The following SLC9A9 variants were observed in gnomAD, a reference collection of about 807,000 sequenced individuals.
SLC9A9 encodes the protein solute carrier family 9 member A9, also known as sodium/hydrogen exchanger 9.
Under a neutral mutation model 77.8 loss-of-function variants are expected in SLC9A9, and 62 were observed. That is an observed-to-expected ratio of 0.80 (90% CI 0.65 to 0.98). The LOEUF (loss-of-function observed/expected upper bound fraction) is 0.98, where lower values mean the gene tolerates loss of function less well. Among genes scored for constraint, SLC9A9 ranks in the 50% least tolerant of loss-of-function variants. The pLI is 0.00. For synonymous variants in SLC9A9, 320 were observed against 283.5 expected, an observed-to-expected ratio of 1.13 and a Z score of -1.29; for missense variants, 775 against 774.9, an observed-to-expected ratio of 1.00 and a Z score of 0.00.
At chr3:143,287,021 C>T (rs1209237521) in intron 14 of SLC9A9, among the ~76,000 whole-genome samples, 3 of 152,170 alleles carry the variant, frequency 2.0e-5, no homozygotes, top group African/African-American at 4.8e-5. Context: ...ACTGTCCCTA[C>T]GTACCTTTTC....
chr3:143,827,766 C>A (rs2009336630), intron 2 of SLC9A9, among the ~76,000 whole-genome samples: 1 of 152,218 alleles, frequency 6.6e-6, no homozygotes, highest in South Asian at 2.1e-4. Context: ...CTATATTTTT[C>A]TAAGAGTAAA....
chr3:143,610,003 C>G (rs936715492), intron 6 of SLC9A9, among the ~76,000 whole-genome samples: 2 of 152,104 alleles, frequency 1.3e-5, no homozygotes, highest in African/African-American at 4.8e-5. Flanking sequence ...TTAGATTTTT[C>G]TTATGACTCT....
intron 5 of SLC9A9, among the ~76,000 whole-genome samples, chr3:143,676,602 C>A (rs1050809320): frequency 6.6e-6 from 1 of 151,714 alleles, no homozygotes; most frequent in Non-Finnish European, 1.5e-5. Context: ...CTGGGCGTGG[C>A]GGCGTGTGTC....
chr3:143,460,430 T>G (rs572713040), intron 12 of SLC9A9, among the ~76,000 whole-genome samples: 52 of 152,120 alleles, frequency 3.4e-4, no homozygotes, highest in Non-Finnish European at 4.4e-4. Context: ...AAATCACTTT[T>G]TTTTTTCAAA....
At chr3:143,715,734 C>T (rs1036835622) in intron 4 of SLC9A9, among the ~76,000 whole-genome samples, 3 of 152,070 alleles carry the variant, frequency 2.0e-5, no homozygotes, top group Admixed American at 2.0e-4. Flanking sequence ...ATGAGACAGC[C>T]CTGGTCAGAG....
At chr3:143,657,639 G>A (rs2108753392) in intron 5 of SLC9A9, among the ~76,000 whole-genome samples, 1 of 152,302 alleles carries the variant, frequency 6.6e-6, no homozygotes, top group East Asian at 1.9e-4. Flanking sequence ...GAATGCAGAA[G>A]CAAGATATGA....
chr3:143,611,219 T>C (rs2038017349), intron 6 of SLC9A9, among the ~76,000 whole-genome samples: 1 of 152,122 alleles, frequency 6.6e-6, no homozygotes, highest in South Asian at 2.1e-4. Flanking sequence ...TTTATATTGA[T>C]AGAATATAGA....
At chr3:143,613,629 A>G (rs1308803825) in intron 6 of SLC9A9, among the ~76,000 whole-genome samples, 1 of 152,058 alleles carries the variant, frequency 6.6e-6, no homozygotes, top group African/African-American at 2.4e-5. Flanking sequence ...TAAATGGCTC[A>G]ACTTCATCTC....
At chr3:143,545,733 T>C (rs2036777738) in intron 9 of SLC9A9, among the ~76,000 whole-genome samples, 1 of 152,198 alleles carries the variant, frequency 6.6e-6, no homozygotes, top group Non-Finnish European at 1.5e-5. Flanking sequence ...AACTTTTCAC[T>C]CCAGTATGAA....
chr3:143,534,792 T>A (rs967414505), intron 9 of SLC9A9, among the ~76,000 whole-genome samples: 2 of 152,190 alleles, frequency 1.3e-5, no homozygotes, highest in Non-Finnish European at 2.9e-5. Context: ...AAAAGATGTA[T>A]TTGGATAAAT....
At position 143,281,522 on chromosome 3, in the gene SLC9A9, A is replaced by G. The variant is rs369157129; in HGVS notation, c.1605-12542T>C. On this transcript the variant is annotated intron_variant, in intron 14 of 15. Transcript: ENST00000316549. ...GAGCACCACAGAAGACGGAGAGCAC[A>G]TACTAGCACTGCCTTCCCTCAGGGT... 2.0e-5 allele frequency among the ~76,000 whole-genome samples: 3 copies of G among 152,350 alleles called. No individual in the cohort carries two copies. The East Asian group carries it at 5.8e-4, about 29-fold the overall frequency.
chr3:143,386,531 G>A (rs1161848383), intron 12 of SLC9A9, among the ~76,000 whole-genome samples: 4 of 152,242 alleles, frequency 2.6e-5, no homozygotes, highest in African/African-American at 9.6e-5. Flanking sequence ...TCACAGGGTT[G>A]TGGTGAGGAT....
intron 9 of SLC9A9, among the ~76,000 whole-genome samples, chr3:143,547,012 C>A (rs531244835): frequency 4.6e-5 from 7 of 152,304 alleles, no homozygotes; most frequent in African/African-American, 1.4e-4. Flanking sequence ...TCATTTTCTT[C>A]ATCTTACTTG....
At chr3:143,268,732 CAAAAA>C (rs11312794) in intron 15 of SLC9A9, 138 bp downstream of exon 15, 781 of 235,146 alleles carry the variant, frequency 3.3e-3, no homozygotes, top group South Asian at 4.2e-3. Context: ...GACTCCGTCT[CAAAAA>C]AAAAAAAAAA....
intron 12 of SLC9A9, among the ~76,000 whole-genome samples, chr3:143,461,051 T>C (rs1042603637): frequency 6.6e-6 from 1 of 152,166 alleles, no homozygotes; most frequent in African/African-American, 2.4e-5. Flanking sequence ...ATTAAATTGA[T>C]ACAAAGTATA....
At chr3:143,453,304 G>A (rs1222314145) in intron 12 of SLC9A9, among the ~76,000 whole-genome samples, 2 of 151,970 alleles carry the variant, frequency 1.3e-5, no homozygotes, top group Non-Finnish European at 2.9e-5. Context: ...TCTATATTAT[G>A]TTATTTCAGA....
chr3:143,448,800 A>G (rs2034893629), intron 12 of SLC9A9, among the ~76,000 whole-genome samples: 1 of 137,792 alleles, frequency 7.3e-6, no homozygotes, highest in Non-Finnish European at 1.5e-5. Context: ...TTTAATACAA[A>G]TGTAAATAAT....
rs199963588 is a variant in SLC9A9, at chr3:143,266,996, T to TTTTC, written c.1711-68_1711-67insGAAA. 4.4e-5 allele frequency: 28 copies of TTTTC among 640,528 alleles called. No homozygotes were observed. In the African/African-American group the frequency reaches 7.0e-4, roughly 16 times the overall value. The allele number at this position is 640,528 out of a possible 1,614,324, so 39.7% of individuals were successfully genotyped here. A position where few individuals can be genotyped will look rare whatever the true frequency, so the allele number is the denominator to read the frequency against. On this transcript the variant is annotated intron_variant, in intron 15 of 15. Transcript: ENST00000316549. ...GCAGAAAACAATAGCAGTCCTACAA[T>TTTTC]TTTTTTTTTTTTTTAAACAGAATGC...
intron 4 of SLC9A9, among the ~76,000 whole-genome samples, chr3:143,786,102 G>A (rs1373752405): frequency 2.0e-5 from 3 of 151,774 alleles, no homozygotes; most frequent in Non-Finnish European, 4.4e-5. Context: ...TGATCCGCCC[G>A]TCTCGGCCTC....
Sources: allele counts gnomAD v4.1 joint callset (sites outside exome capture counted in the v4.1 genomes callset), GRCh38; gene constraint gnomAD v4.1.1; transcripts MANE v1.5; gene names NCBI Gene and HGNC (gene_info 2026-07-23, HGNC 2026-07-21).